Variants in PREX1 observed in about 807,000 individuals in gnomAD.
PREX1 encodes phosphatidylinositol-3,4,5-trisphosphate dependent Rac exchange factor 1, also known as phosphatidylinositol 3,4,5-trisphosphate-dependent Rac exchanger 1 protein.
In PREX1, 41 loss-of-function variants were observed where a neutral mutation model predicts 198.3. The observed-to-expected ratio is 0.21, with a 90% CI of 0.16 to 0.27. PREX1 has a LOEUF of 0.27. Among genes scored for constraint, PREX1 ranks in the 10% least tolerant of loss-of-function variants. The pLI is 1.00. For synonymous variants in PREX1, 843 were observed against 887.2 expected, an observed-to-expected ratio of 0.95 and a Z score of 0.89; for missense variants, 1,620 against 2,200.7, an observed-to-expected ratio of 0.74 and a Z score of 5.28.
Position 48,678,918 on chromosome 20 carries a change from G to GAAGAC in PREX1, c.1589+437_1589+441dup, listed in dbSNP as rs2089727970. Among the ~76,000 whole-genome samples, 6 of 152,228 alleles carry GAAGAC rather than the reference G, an allele frequency of 3.9e-5. No homozygotes were observed. In the South Asian group the frequency reaches 1.2e-3, roughly 32 times the overall value. On this transcript the variant is annotated intron_variant, in intron 13 of 39. Coordinates refer to ENST00000371941, the MANE Select transcript of PREX1 (RefSeq NM_020820.4). ...GTGACACTTTATGCAGGTAGGCAGG[G>GAAGAC]AAGACCCCTGTGATATGGAGGCGTT...
chr20:48,692,397 G>T, intron 8 of PREX1: 1 of 316,622 alleles, frequency 3.2e-6, no homozygotes, highest in Non-Finnish European at 5.9e-6. Context: ...TCTTTAAAAA[G>T]CAAGAAAATG....
intron 3 of PREX1, among the ~76,000 whole-genome samples, chr20:48,736,537 G>A (rs1019888479): frequency 6.6e-6 from 1 of 152,204 alleles, no homozygotes; most frequent in Non-Finnish European, 1.5e-5. Flanking sequence ...CACTGCCCAG[G>A]CAGACCTTTT....
At chr20:48,760,127 T>C (rs1453071570) in intron 1 of PREX1, among the ~76,000 whole-genome samples, 3 of 151,272 alleles carry the variant, frequency 2.0e-5, no homozygotes, top group Non-Finnish European at 3.0e-5. Context: ...AAAAAAAGCA[T>C]TGGCTATTAT....
chr20:48,882,584 G>A, the PREX1 span, among the ~76,000 whole-genome samples: 2 of 149,502 alleles, frequency 1.3e-5, no homozygotes, highest in African/African-American at 4.9e-5. Flanking sequence ...TTGTGTCTCT[G>A]GGGTATATAT....
chr20:48,859,621 C>A, the PREX1 span, among the ~76,000 whole-genome samples: 1 of 152,196 alleles, frequency 6.6e-6, no homozygotes, highest in East Asian at 1.9e-4. Context: ...TAAAATGGTA[C>A]AGCTGCTGTA....
In PREX1 at chr20:48,827,222, G is replaced by T. The variant is rs1387383611; in HGVS notation, c.219+420C>A. Reference sequence around the variant, plus strand: ...ACGCGCAGGGACGTTGGGCTCTGGGGCTCCTACGGTATGTCCTAGATGAGT... The same window carrying T: ...ACGCGCAGGGACGTTGGGCTCTGGGTCTCCTACGGTATGTCCTAGATGAGT... On this transcript the variant is annotated intron_variant, in intron 1 of 39. Transcript: ENST00000371941. This position sits in a 1 kb window ranked among gnomAD's most constrained non-coding sequence, Gnocchi z 4.1. 2.6e-5 allele frequency among the ~76,000 whole-genome samples: 4 copies of T among 152,232 alleles called. No individual in the cohort carries two copies. The East Asian group carries it at 7.7e-4, about 29-fold the overall frequency.
At position 48,629,451 on chromosome 20, in the gene PREX1, C is replaced by A; in HGVS notation, c.4764G>T (p.Gln1588His). 1 of 1,613,378 alleles carries A rather than the reference C, an allele frequency of 6.2e-7. No homozygotes were observed. Among genetic ancestry groups the A allele is most frequent in the Non-Finnish European group, 8.5e-7 (1 of 1,179,776 alleles). The change falls in exon 37 of 40, where the codon CAG becomes CAT. Residue 1588 changes from glutamine (Q) to histidine (H), a missense_variant and splice_region_variant. By Grantham distance (24) the Gln-to-His change is conservative (BLOSUM62 0). This residue lies in a region of PREX1 where 476 missense variants were observed against 603.4 expected (regional missense o/e 0.79). Coordinates refer to ENST00000371941, the MANE Select transcript of PREX1 (RefSeq NM_020820.4). Reference sequence around the variant, plus strand: ...CGACTCAGCGGGCAGCAGCTCACCTCTGCATGCCTGTGCCACACATGACCA... The same window carrying A: ...CGACTCAGCGGGCAGCAGCTCACCTATGCATGCCTGTGCCACACATGACCA... ...CQMVMCGTGM[Q>H]RSTLSVSLEQ...
intron 25 of PREX1, 101 bp downstream of exon 25, chr20:48,649,199 C>T: frequency 6.7e-7 from 1 of 1,489,438 alleles, no homozygotes; most frequent in Non-Finnish European, 9.0e-7. Flanking sequence ...CAGGACAGCC[C>T]ACCCCCCACT....
At chr20:48,865,266 G>A in the PREX1 span, among the ~76,000 whole-genome samples, 5 of 152,146 alleles carry the variant, frequency 3.3e-5, no homozygotes, top group African/African-American at 9.7e-5. Context: ...GGGGTTCATC[G>A]TACAGATATC....
intron 1 of PREX1, among the ~76,000 whole-genome samples, chr20:48,776,975 C>T (rs866741776): frequency 2.6e-5 from 4 of 152,312 alleles, no homozygotes; most frequent in African/African-American, 4.8e-5. Flanking sequence ...CTCCAACACC[C>T]TGCGATGTGC....
intron 5 of PREX1, among the ~76,000 whole-genome samples, chr20:48,724,565 C>T (rs1464714624): frequency 6.6e-6 from 1 of 152,214 alleles, no homozygotes; most frequent in East Asian, 1.9e-4. Context: ...GCTCTGCTGG[C>T]TACATCCACT....
the PREX1 span, among the ~76,000 whole-genome samples, chr20:48,851,092 G>A: frequency 2.6e-5 from 4 of 152,232 alleles, no homozygotes; most frequent in African/African-American, 9.6e-5. Flanking sequence ...CCTATTGTCT[G>A]TGGCTGCTTT....
intron 4 of PREX1, among the ~76,000 whole-genome samples, chr20:48,730,938 G>A (rs2090032271): frequency 6.6e-6 from 1 of 152,178 alleles, no homozygotes; most frequent in African/African-American, 2.4e-5. Context: ...CGAGGCTGCA[G>A]TGGGCCATGA....
chr20:48,835,361 G>A, the PREX1 span, among the ~76,000 whole-genome samples: 1 of 152,198 alleles, frequency 6.6e-6, no homozygotes, highest in Admixed American at 6.5e-5. Flanking sequence ...GTGTCCTCCT[G>A]TTGCTTACGT....
chr20:48,692,845 G>GT lies in PREX1; in HGVS notation c.918-56dup. The GT allele has an allele frequency of 3.5e-6, 5 of 1,432,276 alleles. No homozygotes were observed. The South Asian group carries it at 5.7e-5, about 16-fold the overall frequency. The allele number at this position is 1,432,276 out of a possible 1,614,324, so 88.7% of individuals were successfully genotyped here. On this transcript the variant is annotated intron_variant, in intron 7 of 39. Transcript: ENST00000371941. The stretch of plus-strand genomic sequence containing the variant: ...TACACGTCACCTCCCAGATGCAACT[G>GT]TTTTCAACAGCGCAAAGGGGAACAC...
At chr20:48,707,955 C>A (rs1230503856) in intron 6 of PREX1, among the ~76,000 whole-genome samples, 1 of 151,774 alleles carries the variant, frequency 6.6e-6, no homozygotes, top group South Asian at 2.1e-4. Flanking sequence ...ACATACCAGG[C>A]AATGCATGAA....
chr20:48,719,580 C>A (rs1256615221), intron 5 of PREX1, among the ~76,000 whole-genome samples: 1 of 152,110 alleles, frequency 6.6e-6, no homozygotes, highest in Non-Finnish European at 1.5e-5. Flanking sequence ...GAGCTCACTG[C>A]ATAACATCAG....
chr20:48,829,114 T>C (rs953069718), upstream of PREX1, among the ~76,000 whole-genome samples: 1 of 152,210 alleles, frequency 6.6e-6, no homozygotes, highest in African/African-American at 2.4e-5. Context: ...ACCTAGAAAG[T>C]TCTCTGTAAA....
chr20:48,658,419 G>A (rs757922525), intron 16 of PREX1, among the ~76,000 whole-genome samples, 191 bp from the exon 17 acceptor site: 8 of 152,256 alleles, frequency 5.3e-5, no homozygotes, highest in Non-Finnish European at 1.2e-4. Context: ...CCTGCCACTG[G>A]CTTAACGAAT....
Sources: gnomAD v4.1 joint callset for allele counts (sites outside exome capture counted in the v4.1 genomes callset) on GRCh38, gnomAD v4.1.1 for gene constraint, gnomAD v4.1.1 regional missense constraint, Gnocchi (gnomAD v3.1) non-coding constraint, MANE v1.5 for transcripts, NCBI Gene and HGNC (gene_info 2026-07-23, HGNC 2026-07-21) for gene names.